The following MAPK10 variants were observed in gnomAD, a reference collection of about 807,000 sequenced individuals.
MAPK10 encodes JNK3 alpha protein kinase.
MAPK10 carries 25 observed loss-of-function variants against 59.3 expected under a neutral mutation model. The observed-to-expected ratio is 0.42, with a 90% confidence interval of 0.31 to 0.59. The LOEUF is 0.59. MAPK10 is among the 20% of genes least tolerant of loss of function. The probability of loss-of-function intolerance (pLI) is 0.15; values close to 1 mark genes in which losing one functional copy is unlikely to be tolerated. For synonymous variants in MAPK10, 190 were observed against 200.5 expected (o/e 0.95, Z 0.44); for missense variants, 351 against 568.9 (o/e 0.62, Z 3.90).
intron 1 of MAPK10, among the ~76,000 whole-genome samples, chr4:86,374,402 T>G (rs1264761544): frequency 6.6e-6 from 1 of 151,940 alleles, no homozygotes; most frequent in African/African-American, 2.4e-5. Context: ...ACTTAAAGCA[T>G]AATAAAAAAA....
At chr4:86,477,419 T>C (rs1478073472) in intron 1 of MAPK10, among the ~76,000 whole-genome samples, 1 of 151,720 alleles carries the variant, frequency 6.6e-6, no homozygotes, top group Non-Finnish European at 1.5e-5. Context: ...CATTGCCACC[T>C]TTTCTCCCAG....
At chr4:86,452,267 C>G (rs1214662648) in intron 1 of MAPK10, among the ~76,000 whole-genome samples, 1 of 152,340 alleles carries the variant, frequency 6.6e-6, no homozygotes, top group South Asian at 2.1e-4. Context: ...CCCAAATATA[C>G]TAACGTGACC....
chr4:86,221,261 T>C (rs1313547666), intron 2 of MAPK10, among the ~76,000 whole-genome samples: 1 of 152,232 alleles, frequency 6.6e-6, no homozygotes, highest in Non-Finnish European at 1.5e-5. Flanking sequence ...CCACCCAGCA[T>C]GCCATTGGCT....
intron 4 of MAPK10, among the ~76,000 whole-genome samples, chr4:86,153,899 G>T (rs991411974): frequency 2.6e-5 from 4 of 152,086 alleles, no homozygotes; most frequent in Non-Finnish European, 2.9e-5. Flanking sequence ...AGGAGGTTGC[G>T]ATTAAGGGTC....
chr4:86,269,640 T>G (rs1215231907), intron 2 of MAPK10, among the ~76,000 whole-genome samples: 1 of 152,098 alleles, frequency 6.6e-6, no homozygotes, highest in East Asian at 1.9e-4. Flanking sequence ...CTACTCCCAC[T>G]TGGAGAGCAT....
At chr4:86,182,892 A>G (rs916366604) in intron 3 of MAPK10, among the ~76,000 whole-genome samples, 5 of 152,142 alleles carry the variant, frequency 3.3e-5, no homozygotes, top group Non-Finnish European at 2.9e-5. Context: ...AGTCATTAAG[A>G]AAGTTCATGC....
intron 4 of MAPK10, among the ~76,000 whole-genome samples, chr4:86,147,850 T>C (rs1232133556): frequency 6.6e-6 from 1 of 152,234 alleles, no homozygotes; most frequent in Non-Finnish European, 1.5e-5. Context: ...AATAATTGAA[T>C]TGATGTTTGC....
chr4:86,140,175 AT>A (rs1261818049), intron 4 of MAPK10, among the ~76,000 whole-genome samples: 1 of 139,292 alleles, frequency 7.2e-6, no homozygotes, highest in Non-Finnish European at 1.5e-5. Context: ...CAGCCATCCC[AT>A]TACTGGGTAT....
intron 3 of MAPK10, chr4:86,192,777 A>G (rs926687356): frequency 2.1e-4 from 32 of 151,960 alleles, no homozygotes; most frequent in African/African-American, 7.2e-4. Flanking sequence ...ACTTCTGTCA[A>G]TTCGTCAAAC....
intron 2 of MAPK10, among the ~76,000 whole-genome samples, chr4:86,302,209 G>A (rs1230699316): frequency 6.6e-6 from 1 of 152,160 alleles, no homozygotes; most frequent in Non-Finnish European, 1.5e-5. Flanking sequence ...CCTAATAATA[G>A]CAAAGTAATA....
At chr4:86,352,403 C>T (rs1029980174) in intron 2 of MAPK10, among the ~76,000 whole-genome samples, 1 of 152,014 alleles carries the variant, frequency 6.6e-6, no homozygotes, top group Non-Finnish European at 1.5e-5. Flanking sequence ...CATGCATGAA[C>T]ATGAAAGAAT....
chr4:86,216,352 C>A (rs1257025339), intron 2 of MAPK10, among the ~76,000 whole-genome samples: 38 of 149,060 alleles, frequency 2.5e-4, no homozygotes, highest in Non-Finnish European at 5.9e-5. Context: ...AAAGTATTCA[C>A]CCTTAAAAAG....
At chr4:86,184,899 C>A (rs537488752) in intron 3 of MAPK10, among the ~76,000 whole-genome samples, 61 of 152,252 alleles carry the variant, frequency 4.0e-4, no homozygotes, top group Middle Eastern at 3.4e-3. Flanking sequence ...CTGCCTAATA[C>A]ACCGACCCTA....
chr4:86,562,783 A>G (rs1760778163), intron 1 of MAPK10, among the ~76,000 whole-genome samples: 1 of 152,216 alleles, frequency 6.6e-6, no homozygotes, highest in Non-Finnish European at 1.5e-5. Flanking sequence ...ATCATTGTCT[A>G]ATATACACTA....
intron 1 of MAPK10, among the ~76,000 whole-genome samples, chr4:86,462,435 A>C (rs981391911): frequency 6.6e-6 from 1 of 152,218 alleles, no homozygotes; most frequent in Admixed American, 6.5e-5. Context: ...ACAAATCAAT[A>C]AGGCAAAGCG....
At chr4:86,556,889 A>G (rs1216842270) in intron 1 of MAPK10, among the ~76,000 whole-genome samples, 1 of 152,144 alleles carries the variant, frequency 6.6e-6, no homozygotes, top group Non-Finnish European at 1.5e-5. Flanking sequence ...AGATGTCCTT[A>G]CAATTCCATG....
At chr4:86,404,358 T>C (rs1340703347) in intron 1 of MAPK10, among the ~76,000 whole-genome samples, 1 of 152,194 alleles carries the variant, frequency 6.6e-6, no homozygotes, top group Non-Finnish European at 1.5e-5. Context: ...ACCGTTCCTG[T>C]GAAAATTACT....
intron 2 of MAPK10, among the ~76,000 whole-genome samples, chr4:86,310,458 T>C (rs1356959022): frequency 6.6e-6 from 1 of 152,212 alleles, no homozygotes; most frequent in Non-Finnish European, 1.5e-5. Context: ...TTATTGAATA[T>C]GGGTCATCCA....
intron 2 of MAPK10, among the ~76,000 whole-genome samples, chr4:86,333,644 T>C (rs933103571): frequency 6.6e-6 from 1 of 152,172 alleles, no homozygotes; most frequent in African/African-American, 2.4e-5. Flanking sequence ...TGCTTTCCAG[T>C]AGAATATACA....
Sources: allele counts gnomAD v4.1 joint callset (sites outside exome capture counted in the v4.1 genomes callset), GRCh38; gene constraint gnomAD v4.1.1; transcripts MANE v1.5; gene names NCBI Gene and HGNC (gene_info 2026-07-23, HGNC 2026-07-21).